Variants in LRBA observed in about 807,000 individuals in gnomAD.
The protein encoded by LRBA is LPS responsive beige-like anchor protein.
LRBA carries 176 observed loss-of-function variants against 330.0 expected under a neutral mutation model. That is an observed-to-expected ratio of 0.53 (90% CI 0.47 to 0.60). LRBA has a LOEUF of 0.60. Among genes scored for constraint, LRBA ranks in the 20% least tolerant of loss-of-function variants. LRBA has a pLI of 0.00. For missense variants in LRBA, 3,259 were observed against 3,444.8 expected (o/e 0.95, Z 1.35); for synonymous variants, 1,230 against 1,193.0 (o/e 1.03, Z -0.64).
At chr4:150,392,625 C>A (rs1243402691) in intron 47 of LRBA, among the ~76,000 whole-genome samples, 1 of 152,054 alleles carries the variant, frequency 6.6e-6, no homozygotes, top group Non-Finnish European at 1.5e-5. Flanking sequence ...TGGCTCTCTG[C>A]TTGTCTACTG....
chr4:150,486,902 G>A (rs574963552), intron 42 of LRBA, among the ~76,000 whole-genome samples: 5 of 151,668 alleles, frequency 3.3e-5, no homozygotes, highest in South Asian at 2.1e-4. Flanking sequence ...GCCTTTCTGC[G>A]TCTTTCTTAT....
rs147251625 is a variant in LRBA, at chr4:150,849,548, G to A, written c.4032C>T (p.Phe1344=). Reference sequence around the variant, plus strand: ...AGATGACATTATCACTGCTATTCACGAAGTCCATAACTGTCTTTGTTGAAT... The same window carrying A: ...AGATGACATTATCACTGCTATTCACAAAGTCCATAACTGTCTTTGTTGAAT... The part of the protein sequence containing the change: ...RSHSTKTVMD[F]VNSSDNVIFV... The change falls in exon 25 of 57, where the codon TTC becomes TTT. Residue 1344 remains phenylalanine (F), a synonymous_variant. Transcript: ENST00000651943. The A allele has an allele frequency of 6.2e-6, 10 of 1,612,818 alleles. No homozygotes were observed. The East Asian group carries it at 6.7e-5, about 11-fold the overall frequency.
chr4:150,368,610 T>TA (rs1239696562), intron 47 of LRBA, among the ~76,000 whole-genome samples: 2 of 152,138 alleles, frequency 1.3e-5, no homozygotes, highest in African/African-American at 4.8e-5. Flanking sequence ...GTTGTTTATT[T>TA]AAAAAAACAA....
chr4:150,464,908 C>T (rs886399193), intron 44 of LRBA, among the ~76,000 whole-genome samples: 21 of 152,014 alleles, frequency 1.4e-4, no homozygotes, highest in Non-Finnish European at 7.4e-5. Flanking sequence ...TTAATGGTGG[C>T]AAAATATACA....
At chr4:151,005,730 T>C (rs1275051946) in intron 2 of LRBA, among the ~76,000 whole-genome samples, 1 of 149,710 alleles carries the variant, frequency 6.7e-6, no homozygotes, top group Non-Finnish European at 1.5e-5. Context: ...TCAGCCTCCC[T>C]AGTAACTGGG....
intron 50 of LRBA, among the ~76,000 whole-genome samples, chr4:150,318,128 T>G (rs1049710533): frequency 1.3e-5 from 2 of 152,242 alleles, no homozygotes; most frequent in Admixed American, 6.5e-5. Flanking sequence ...GTTTTCTCAC[T>G]CGGATTTTAT....
At chr4:150,662,918 C>G (rs1405312971) in intron 37 of LRBA, among the ~76,000 whole-genome samples, 1 of 152,118 alleles carries the variant, frequency 6.6e-6, no homozygotes, top group Non-Finnish European at 1.5e-5. Context: ...GATTGTGGCA[C>G]TGCACTCCAA....
intron 36 of LRBA, among the ~76,000 whole-genome samples, chr4:150,729,460 A>G (rs1730147286): frequency 6.6e-6 from 1 of 152,240 alleles, no homozygotes; most frequent in Non-Finnish European, 1.5e-5. Context: ...AGATCTCTAT[A>G]ATAAAAACTA....
At chr4:150,741,509 TTA>T in intron 35 of LRBA, among the ~76,000 whole-genome samples, 1 of 152,256 alleles carries the variant, frequency 6.6e-6, no homozygotes, top group East Asian at 1.9e-4. Context: ...CATCACCAAG[TTA>T]TATCAAAGAT....
chr4:150,804,094 A>C (rs1446436942), intron 33 of LRBA, among the ~76,000 whole-genome samples: 1 of 152,150 alleles, frequency 6.6e-6, no homozygotes, highest in Non-Finnish European at 1.5e-5. Flanking sequence ...AACATAAATT[A>C]GGGAAAAGCC....
At position 150,481,541 on chromosome 4, in the gene LRBA, C is replaced by T. The variant is rs182740005; in HGVS notation, c.6551+6191G>A. On this transcript the variant is annotated intron_variant, in intron 42 of 56. Coordinates refer to ENST00000651943, the MANE Select transcript of LRBA (RefSeq NM_001364905.1). Reference sequence around the variant, plus strand: ...CCAAGATACACTCTAAAAGGTCCCTCATAACCCTCTGCAGCTAATTCCCTT... The same window carrying T: ...CCAAGATACACTCTAAAAGGTCCCTTATAACCCTCTGCAGCTAATTCCCTT... Among the ~76,000 whole-genome samples the T allele has an allele frequency of 7.8e-4, 119 of 152,250 alleles. 1 individual carries two copies. The highest frequency in any genetic ancestry group is 6.8e-3 in the Middle Eastern group (2 of 294).
intron 37 of LRBA, among the ~76,000 whole-genome samples, chr4:150,677,875 C>A (rs994507229): frequency 6.6e-6 from 1 of 151,224 alleles, no homozygotes; most frequent in Middle Eastern, 3.2e-3. Flanking sequence ...CCCATATGTT[C>A]AGTATCAGGC....
rs780136819 is a variant in LRBA, at chr4:150,844,709, T to A, written c.4410A>T (p.Lys1470Asn). The A allele has an allele frequency of 3.1e-6, 5 of 1,613,310 alleles. No individual in the cohort carries two copies. Among genetic ancestry groups the A allele is most frequent in the East Asian group, 4.5e-5 (2 of 44,836 alleles). The change falls in exon 27 of 57, where the codon AAA becomes AAT. Residue 1470 changes from lysine to asparagine, a missense_variant. By Grantham distance (94) the Lys-to-Asn change is moderately conservative. Coordinates refer to ENST00000651943, the MANE Select transcript of LRBA (RefSeq NM_001364905.1). ...QHSQLKTRGD[K>N]ALKPMHSLIP... is the part of the protein sequence containing the mutation. The stretch of plus-strand genomic sequence containing the variant: ...TAAGGCTATGCATTGGTTTCAAGGC[T>A]TTATCTCCCCTAGTTTTCAGTTGTG...
intron 37 of LRBA, among the ~76,000 whole-genome samples, chr4:150,603,111 T>TA (rs1437989034): frequency 6.6e-6 from 1 of 152,228 alleles, no homozygotes; most frequent in Non-Finnish European, 1.5e-5. Flanking sequence ...GATCTGGAAA[T>TA]ACTATTTCCT....
At chr4:150,741,100 GGTCGATGTA>G (rs1165488950) in intron 35 of LRBA, among the ~76,000 whole-genome samples, 1 of 151,862 alleles carries the variant, frequency 6.6e-6, no homozygotes, top group Non-Finnish European at 1.5e-5. Flanking sequence ...TTCCTGACTG[GGTCGATGTA>G]AAGACTTACT....
intron 42 of LRBA, among the ~76,000 whole-genome samples, chr4:150,476,282 A>G (rs1264174988): frequency 1.3e-5 from 2 of 152,144 alleles, no homozygotes; most frequent in African/African-American, 2.4e-5. Context: ...ATATATTTTG[A>G]TATGTTATAC....
chr4:150,653,932 A>T (rs1257555217), intron 37 of LRBA, among the ~76,000 whole-genome samples: 2 of 152,186 alleles, frequency 1.3e-5, no homozygotes, highest in African/African-American at 4.8e-5. Context: ...CAGAGTAACA[A>T]TAGCAATACT....
chr4:150,307,450 C>A (rs1313306334), intron 52 of LRBA, among the ~76,000 whole-genome samples: 4 of 151,130 alleles, frequency 2.6e-5, no homozygotes, highest in Admixed American at 2.6e-4. Context: ...ATGTTTTAAT[C>A]ACTTAAAAAA....
intron 40 of LRBA, among the ~76,000 whole-genome samples, chr4:150,510,041 CAGG>C (rs1290367458): frequency 1.3e-5 from 2 of 152,028 alleles, no homozygotes; most frequent in Non-Finnish European, 2.9e-5. Flanking sequence ...GAGGCTGAGG[CAGG>C]AGAATTGCTT....
Sources: allele counts gnomAD v4.1 joint callset (sites outside exome capture counted in the v4.1 genomes callset), GRCh38; gene constraint gnomAD v4.1.1; transcripts MANE v1.5; gene names NCBI Gene and HGNC (gene_info 2026-07-23, HGNC 2026-07-21).